UROD: variants seen among roughly 807,000 people sequenced by gnomAD.
The protein encoded by UROD is uroporphyrinogen III decarboxylase.
Under a neutral mutation model 47.1 loss-of-function variants are expected in UROD, and 34 were observed. The observed-to-expected ratio is 0.72, with a 90% CI of 0.55 to 0.96. UROD has a LOEUF of 0.96. UROD is among the 40% of genes least tolerant of loss of function. UROD has a pLI of 0.00. For missense variants in UROD, 381 were observed against 471.8 expected (o/e 0.81, Z 1.78); for synonymous variants, 148 against 175.8 (o/e 0.84, Z 1.25).
intron 9 of UROD, 92 bp downstream of exon 9, chr1:45,015,098 C>A: frequency 1.3e-6 from 2 of 1,582,796 alleles, no homozygotes; most frequent in South Asian, 1.1e-5. Flanking sequence ...TAATGTCTGT[C>A]TGTCCTTTTC....
At position 45,012,254 on chromosome 1, in the gene UROD, A is replaced by T; in HGVS notation, c.-12A>T. Reference sequence around the variant, plus strand: ...AATTGTGGATTGAGCTCGCAGTTACAGACAGCTGACCATGGAAGCGAATGG... The same window carrying T: ...AATTGTGGATTGAGCTCGCAGTTACTGACAGCTGACCATGGAAGCGAATGG... On this transcript the variant is annotated 5_prime_UTR_variant, in exon 1 of 10. Transcript: ENST00000246337. 1 of 1,613,916 alleles carries T rather than the reference A, an allele frequency of 6.2e-7. No homozygotes were observed. The highest frequency in any genetic ancestry group is 8.5e-7 in the Non-Finnish European group (1 of 1,180,016).
rs1270670642 is a variant in UROD at position 45,015,476 on chromosome 1, C to CA, written c.1083dup (p.Arg362ThrfsTer?). The CA allele has an allele frequency of 1.2e-6, 2 of 1,614,238 alleles. No individual in the cohort carries two copies. Among genetic ancestry groups the CA allele is most frequent in the South Asian group, 1.1e-5 (1 of 91,088 alleles). On this transcript the variant is annotated frameshift_variant, in exon 10 of 10. Coordinates refer to ENST00000246337, the MANE Select transcript of UROD (RefSeq NM_000374.5). LOFTEE classifies it high-confidence loss of function. ...TTTGTGGATGCTGTGCATAAACACT[C>CA]ACGTCTGCTTCGACAGAACTGAGTG...
At chr1:45,015,213 T>C in intron 9 of UROD, 124 bp from the exon 10 acceptor site, 1 of 1,480,776 alleles carries the variant, frequency 6.8e-7, no homozygotes, top group Non-Finnish European at 9.2e-7. Context: ...ATCTGATAAA[T>C]TTTATTGAAT....
In UROD at chr1:45,013,400, GA is replaced by G. The variant is rs1644821843; in HGVS notation, c.276+50del. ...CTAGAATATAATCCAAGGACGCCTT[GA>G]AAATCCTTCTATCAGTCCAGTCAAG... On this transcript the variant is annotated intron_variant, in intron 4 of 9. Transcript: ENST00000246337. This position sits in a 1 kb window ranked among gnomAD's most constrained non-coding sequence, Gnocchi z 4.2. The G allele has an allele frequency of 1.2e-6, 2 of 1,613,406 alleles. No individual in the cohort carries two copies. The highest frequency in any genetic ancestry group is 1.7e-5 in the Admixed American group (1 of 59,998).
chr1:45,013,127 T>A lies in UROD; in HGVS notation c.134-9T>A, dbSNP rs1216298042. ...TCAAGGCTGAGCCCTGTCTTCCCTC[T>A]GTATGCAGAGTTTAGGGAAACCCGG... On this transcript the variant is annotated splice_polypyrimidine_tract_variant and intron_variant, in intron 2 of 9. Transcript: ENST00000246337. The surrounding 1 kb of genome is among the most constrained non-coding windows in gnomAD (Gnocchi z 4.2). 6.2e-7 allele frequency: 1 copy of A among 1,614,160 alleles called. No homozygotes were observed. The highest frequency in any genetic ancestry group is 2.2e-5 in the East Asian group (1 of 44,878).
At chr1:45,012,791 C>A in intron 1 of UROD, 116 bp from the exon 2 acceptor site, 1 of 1,548,206 alleles carries the variant, frequency 6.5e-7, no homozygotes. Context: ...GGTTTGGGAG[C>A]TGGCCTGGAG....
Position 45,015,320 on chromosome 1 carries a change from C to T in UROD, c.943-17C>T. 6.2e-7 allele frequency: 1 copy of T among 1,613,522 alleles called. No individual in the cohort carries two copies. Among genetic ancestry groups the T allele is most frequent in the South Asian group, 1.1e-5 (1 of 91,010 alleles). ...CTTGCTGGTCCTCCTGTAGCCAGTG[C>T]CCTGTTGGTCCCCCAGGAGGAGATC... On this transcript the variant is annotated splice_polypyrimidine_tract_variant and intron_variant, in intron 9 of 9. Coordinates refer to ENST00000246337, the MANE Select transcript of UROD (RefSeq NM_000374.5).
Position 45,013,650 on chromosome 1 carries a change from A to G in UROD, c.333A>G (p.Pro111=), listed in dbSNP as rs1569962511. 1 of 1,614,156 alleles carries G rather than the reference A, an allele frequency of 6.2e-7. No homozygotes were observed. Among genetic ancestry groups the G allele is most frequent in the Non-Finnish European group, 8.5e-7 (1 of 1,180,030 alleles). ...VPGKGPSFPE[P]LREEQDLERL... is the part of the protein sequence containing the mutation. ...GCAAAGGACCCAGCTTCCCAGAGCC[A>G]TTAAGAGAAGAGCAGGACCTAGAAC... Residue 111 remains proline (P), a synonymous_variant, in exon 5 of 10, where the codon CCA becomes CCG. Coordinates refer to ENST00000246337, the MANE Select transcript of UROD (RefSeq NM_000374.5). This position sits in a 1 kb window ranked among gnomAD's most constrained non-coding sequence, Gnocchi z 4.2.
In UROD at chr1:45,013,099, G is replaced by GT; in HGVS notation, c.134-37_134-36insT. On this transcript the variant is annotated intron_variant, in intron 2 of 9. Transcript: ENST00000246337. This position sits in a 1 kb window ranked among gnomAD's most constrained non-coding sequence, Gnocchi z 4.2. The stretch of plus-strand genomic sequence containing the variant: ...GAGGGGCAGGGGAGGGCTCTGGAGG[G>GT]CCTCAAGGCTGAGCCCTGTCTTCCC... 1 of 1,614,138 alleles carries GT rather than the reference G, an allele frequency of 6.2e-7. No homozygotes were observed.
chr1:45,014,511 A>G lies in UROD; in HGVS notation c.709A>G (p.Ile237Val). The change falls in exon 7 of 10, where the codon ATC becomes GTC. Residue 237 changes from isoleucine to valine, a missense_variant. Coordinates refer to ENST00000246337, the MANE Select transcript of UROD (RefSeq NM_000374.5). ...CTTCAACAAGTTTGCACTGCCTTAC[A>G]TCCGTGATGTGGCCAAGCAAGTGAA... Reference protein sequence around the residue: ...QLFNKFALPYIRDVAKQVKAR... With the variant: ...QLFNKFALPYVRDVAKQVKAR... 1 of 1,614,188 alleles carries G rather than the reference A, an allele frequency of 6.2e-7. No homozygotes were observed. Among genetic ancestry groups the G allele is most frequent in the Non-Finnish European group, 8.5e-7 (1 of 1,180,044 alleles).
In UROD at chr1:45,013,695, G is replaced by A. The variant is rs1406852214; in HGVS notation, c.378G>A (p.Val126=). Residue 126 remains valine, a synonymous_variant, in exon 5 of 10, where the codon GTG becomes GTA. Transcript: ENST00000246337. This position sits in a 1 kb window ranked among gnomAD's most constrained non-coding sequence, Gnocchi z 4.2. ...TAGAACGCCTACGGGATCCAGAAGT[G>A]GTAGCCTCTGAGCTAGGCTATGTGT... ...QDLERLRDPE[V]VASELGYVFQ... is the part of the protein sequence containing the mutation. 3 of 1,614,038 alleles carry A rather than the reference G, an allele frequency of 1.9e-6. No individual in the cohort carries two copies. The highest frequency in any genetic ancestry group is 3.3e-5 in the Admixed American group (2 of 60,010).
At position 45,013,865 on chromosome 1, in the gene UROD, GGTCA is replaced by G. The variant is rs1226736061; in HGVS notation, c.475-40_475-37del. ...AAGGTCTGGGGTAGACAAAAGGAAG[GGTCA>G]GTCTGGCTTCTGTGACACCATCTTT... On this transcript the variant is annotated intron_variant, in intron 5 of 9. Transcript: ENST00000246337. This position sits in a 1 kb window ranked among gnomAD's most constrained non-coding sequence, Gnocchi z 4.2. The G allele has an allele frequency of 6.2e-7, 1 of 1,614,174 alleles. No homozygotes were observed. Among genetic ancestry groups the G allele is most frequent in the East Asian group, 2.2e-5 (1 of 44,884 alleles).
In UROD at chr1:45,015,471, ACACT is replaced by A. The variant is rs1232158500; in HGVS notation, c.1081_1084del (p.Ser361ValfsTer21). 6.2e-7 allele frequency: 1 copy of A among 1,614,202 alleles called. No individual in the cohort carries two copies. Among genetic ancestry groups the A allele is most frequent in the East Asian group, 2.2e-5 (1 of 44,880 alleles). ...GCGCCTTTGTGGATGCTGTGCATAA[ACACT>A]CACGTCTGCTTCGACAGAACTGAGT... On this transcript the variant is annotated frameshift_variant, in exon 10 of 10. Transcript: ENST00000246337. LOFTEE classifies it high-confidence loss of function.
chr1:45,014,330 G>C (rs1644830584), intron 6 of UROD, 109 bp from the exon 7 acceptor site: 3 of 1,554,626 alleles, frequency 1.9e-6, no homozygotes, highest in Non-Finnish European at 2.7e-6. Flanking sequence ...TTTAGGGTCA[G>C]GCAGTATCAG....
At position 45,014,650 on chromosome 1, in the gene UROD, A is replaced by G. The variant is rs1343530183; in HGVS notation, c.774+74A>G. On this transcript the variant is annotated intron_variant, in intron 7 of 9. Transcript: ENST00000246337. ...GCTAAGTCCTGCATGGACTGGAGTGACCACTGGAGGGCAGCAGAAGTACAG... is the reference window on the plus strand; with the variant it reads ...GCTAAGTCCTGCATGGACTGGAGTGGCCACTGGAGGGCAGCAGAAGTACAG... 3 of 1,613,512 alleles carry G rather than the reference A, an allele frequency of 1.9e-6. No homozygotes were observed. In the East Asian group the frequency reaches 6.7e-5, roughly 36 times the overall value.
rs1345756989 is a variant in UROD at position 45,013,875 on chromosome 1, G to A, written c.475-34G>A. On this transcript the variant is annotated intron_variant, in intron 5 of 9. Transcript: ENST00000246337. The surrounding 1 kb of genome is among the most constrained non-coding windows in gnomAD (Gnocchi z 4.2). ...GTAGACAAAAGGAAGGGTCAGTCTG[G>A]CTTCTGTGACACCATCTTTCTATCC... 6.2e-7 allele frequency: 1 copy of A among 1,614,214 alleles called. No individual in the cohort carries two copies. Among genetic ancestry groups the A allele is most frequent in the East Asian group, 2.2e-5 (1 of 44,890 alleles).
chr1:45,012,745 A>G, intron 1 of UROD, 162 bp from the exon 2 acceptor site: 7 of 1,461,360 alleles, frequency 4.8e-6, no homozygotes, highest in Non-Finnish European at 6.5e-6. Flanking sequence ...GCACCACCTG[A>G]TAGGCAGAGA....
At position 45,014,942 on chromosome 1, in the gene UROD, A is replaced by C; in HGVS notation, c.878A>C (p.Glu293Ala). 1 of 1,613,866 alleles carries C rather than the reference A, an allele frequency of 6.2e-7. No individual in the cohort carries two copies. Among genetic ancestry groups the C allele is most frequent in the Non-Finnish European group, 8.5e-7 (1 of 1,179,950 alleles). ...DWTVAPKKAR[E>A]CVGKTVTLQG... ...CGTGGCGCTGGCTTTGCTTCCAGGGAGTGTGTGGGGAAGACGGTGACATTG... is the reference window on the plus strand; with the variant it reads ...CGTGGCGCTGGCTTTGCTTCCAGGGCGTGTGTGGGGAAGACGGTGACATTG... Residue 293 changes from glutamate (E) to alanine (A), a missense_variant and splice_region_variant, in exon 9 of 10, where the codon GAG (glutamate) becomes GCG (alanine). By Grantham distance (107) the Glu-to-Ala change is moderately radical. Coordinates refer to ENST00000246337, the MANE Select transcript of UROD (RefSeq NM_000374.5).
chr1:45,014,766 C>G lies in UROD; in HGVS notation c.805C>G (p.Leu269Val). Residue 269 changes from leucine (L) to valine (V), a missense_variant, in exon 8 of 10, where the codon CTG (leucine) becomes GTG (valine). By Grantham distance (32) the Leu-to-Val change is conservative. Coordinates refer to ENST00000246337, the MANE Select transcript of UROD (RefSeq NM_000374.5). ...CTTTGCTAAGGATGGGCATTTTGCC[C>G]TGGAGGAGCTGGCCCAAGCTGGCTA... Reference protein sequence around the residue: ...IIFAKDGHFALEELAQAGYEV... With the variant: ...IIFAKDGHFAVEELAQAGYEV... 6.2e-7 allele frequency: 1 copy of G among 1,614,236 alleles called. No homozygotes were observed. The highest frequency in any genetic ancestry group is 8.5e-7 in the Non-Finnish European group (1 of 1,180,036).
Sources: gnomAD v4.1 joint callset for allele counts on GRCh38, gnomAD v4.1.1 for gene constraint, Gnocchi (gnomAD v3.1) non-coding constraint, MANE v1.5 for transcripts, NCBI Gene and HGNC (gene_info 2026-07-23, HGNC 2026-07-21) for gene names.